Variants in CPED1 observed in about 807,000 individuals in gnomAD.
The protein encoded by CPED1 is cadherin like and PC-esterase domain containing 1.
Under a neutral mutation model 128.2 loss-of-function variants are expected in CPED1, and 114 were observed. That is an observed-to-expected ratio of 0.89 (90% CI 0.76 to 1.04). The LOEUF is 1.04. Among genes scored for constraint, CPED1 ranks in the 50% least tolerant of loss-of-function variants. CPED1 has a pLI of 0.00. For missense variants in CPED1, 1,211 were observed against 1,207.1 expected (o/e 1.00, Z -0.05); for synonymous variants, 462 against 426.7 (o/e 1.08, Z -1.02).
intron 16 of CPED1, among the ~76,000 whole-genome samples, chr7:121,144,027 G>C (rs1315230630): frequency 1.3e-5 from 2 of 151,914 alleles, no homozygotes; most frequent in African/African-American, 4.8e-5. Flanking sequence ...AAACAAGCCA[G>C]ACATCAATAA....
At chr7:121,039,002 G>T (rs2215787) in intron 3 of CPED1, among the ~76,000 whole-genome samples, 1,784 of 152,146 alleles carry the variant, frequency 0.012, 42 homozygotes, top group African/African-American at 0.037. Context: ...CCACTACAAA[G>T]TTATTCTTTT....
chr7:121,119,162 C>A (rs1027777643), intron 7 of CPED1, among the ~76,000 whole-genome samples: 1 of 150,184 alleles, frequency 6.7e-6, no homozygotes, highest in Non-Finnish European at 1.5e-5. Flanking sequence ...TAGAGCCATA[C>A]GGTCACTGAA....
intron 2 of CPED1, among the ~76,000 whole-genome samples, chr7:121,002,970 C>A (rs1402877748): frequency 6.6e-6 from 1 of 152,124 alleles, no homozygotes; most frequent in Non-Finnish European, 1.5e-5. Context: ...TAAAACAAAA[C>A]CTTCCAATAA....
intron 7 of CPED1, among the ~76,000 whole-genome samples, chr7:121,122,919 ATTAACC>A (rs1795422250): frequency 6.6e-6 from 1 of 152,198 alleles, no homozygotes; most frequent in Non-Finnish European, 1.5e-5. Context: ...TTCATATATT[ATTAACC>A]TTAACCTCTG....
intron 16 of CPED1, among the ~76,000 whole-genome samples, chr7:121,191,742 G>A (rs917972203): frequency 3.3e-5 from 5 of 151,916 alleles, no homozygotes; most frequent in African/African-American, 4.8e-5. Context: ...TTTAATTGGC[G>A]AGCTCATCAC....
At chr7:121,244,119 G>A in intron 17 of CPED1, 83 bp from the exon 18 acceptor site, 1 of 1,493,014 alleles carries the variant, frequency 6.7e-7, no homozygotes, top group East Asian at 2.3e-5. Flanking sequence ...TTCTGAAATG[G>A]TGTGCCATAG....
chr7:121,276,957 T>G (rs1256612274), intron 22 of CPED1, among the ~76,000 whole-genome samples: 1 of 152,054 alleles, frequency 6.6e-6, no homozygotes, highest in Admixed American at 6.6e-5. Context: ...TTAAGACTAA[T>G]AACAGTGAGC....
intron 16 of CPED1, among the ~76,000 whole-genome samples, chr7:121,183,071 AAT>A (rs1362014192): frequency 6.6e-6 from 1 of 152,034 alleles, no homozygotes; most frequent in Middle Eastern, 3.2e-3. Context: ...TGCAGTTATT[AAT>A]AGTTAGATAA....
intron 16 of CPED1, among the ~76,000 whole-genome samples, chr7:121,197,614 G>A (rs1797298893): frequency 6.6e-6 from 1 of 152,064 alleles, no homozygotes; most frequent in Admixed American, 6.6e-5. Context: ...CTACAGTCGA[G>A]TGTGTGTATA....
intron 7 of CPED1, among the ~76,000 whole-genome samples, chr7:121,112,502 C>T (rs1239027520): frequency 6.6e-6 from 1 of 152,000 alleles, no homozygotes; most frequent in African/African-American, 2.4e-5. Context: ...CGGAAAGAGG[C>T]AACGAATGAA....
chr7:121,198,127 G>A (rs748478193), intron 16 of CPED1, among the ~76,000 whole-genome samples: 3 of 152,118 alleles, frequency 2.0e-5, no homozygotes, highest in Non-Finnish European at 4.4e-5. Flanking sequence ...GGGGGTAGCA[G>A]TTATTACGCG....
chr7:121,280,287 AGG>A (rs1158795037), intron 22 of CPED1, among the ~76,000 whole-genome samples: 2 of 152,144 alleles, frequency 1.3e-5, no homozygotes, highest in Non-Finnish European at 2.9e-5. Context: ...AGTTTAAGAC[AGG>A]GGAATTTAGT....
intron 3 of CPED1, among the ~76,000 whole-genome samples, chr7:121,033,731 G>C (rs750181368): frequency 6.6e-6 from 1 of 152,176 alleles, no homozygotes; most frequent in Non-Finnish European, 1.5e-5. Context: ...TGAAAATAAT[G>C]CTTATGAATA....
In CPED1 at chr7:121,192,012, C is replaced by A. The variant is rs552223056; in HGVS notation, c.2056-44702C>A. ...TTGAAAATATCTTGTGCAGTGATCC[C>A]ATTTCTGGCATTATGAGTAAATTAG... is the stretch of plus-strand genomic sequence containing the variant. On this transcript the variant is annotated intron_variant, in intron 16 of 22. Coordinates refer to ENST00000310396, the MANE Select transcript of CPED1 (RefSeq NM_024913.5). Among the ~76,000 whole-genome samples, 15 of 152,138 alleles carry A rather than the reference C, an allele frequency of 9.9e-5. No individual in the cohort carries two copies. The South Asian group carries it at 2.7e-3, about 27-fold the overall frequency.
At chr7:121,059,997 T>A (rs1217883656) in intron 4 of CPED1, among the ~76,000 whole-genome samples, 2 of 152,100 alleles carry the variant, frequency 1.3e-5, no homozygotes, top group African/African-American at 4.8e-5. Flanking sequence ...GAACCCGGGC[T>A]GCGCGCGGCG....
intron 18 of CPED1, among the ~76,000 whole-genome samples, chr7:121,257,306 G>C (rs1584637091): frequency 6.6e-6 from 1 of 152,068 alleles, no homozygotes; most frequent in Non-Finnish European, 1.5e-5. Context: ...GACCGTCCAG[G>C]TCACATGCCC....
chr7:121,143,135 A>T (rs1423815221), intron 16 of CPED1, among the ~76,000 whole-genome samples: 3 of 152,188 alleles, frequency 2.0e-5, no homozygotes, highest in South Asian at 4.1e-4. Flanking sequence ...CCACTAAATC[A>T]AATGGAATTT....
intron 11 of CPED1, among the ~76,000 whole-genome samples, chr7:121,129,149 A>G (rs1194765051): frequency 6.6e-6 from 1 of 151,106 alleles, no homozygotes; most frequent in African/African-American, 2.4e-5. Context: ...ATGAATTTGT[A>G]TTTTTCCACC....
intron 7 of CPED1, among the ~76,000 whole-genome samples, chr7:121,120,966 TAAAA>T (rs539242359): frequency 0.37 from 34,168 of 91,964 alleles, 3,797 homozygotes; most frequent in Middle Eastern, 0.48. Flanking sequence ...GTTCCTGACC[TAAAA>T]AAAAAAAAAA....
Sources: gnomAD v4.1 joint callset for allele counts (sites outside exome capture counted in the v4.1 genomes callset) on GRCh38, gnomAD v4.1.1 for gene constraint, MANE v1.5 for transcripts, NCBI Gene and HGNC (gene_info 2026-07-23, HGNC 2026-07-21) for gene names.